The following MIA3 variants were observed in gnomAD, a reference collection of about 807,000 sequenced individuals.
MIA3 encodes MIA SH3 domain ER export factor 3.
Under a neutral mutation model 192.4 loss-of-function variants are expected in MIA3, and 90 were observed. That is an observed-to-expected ratio of 0.47 (90% CI 0.39 to 0.56). The LOEUF (loss-of-function observed/expected upper bound fraction) is 0.56. Among genes scored for constraint, MIA3 ranks in the 20% least tolerant of loss-of-function variants. MIA3 has a pLI of 0.00. For missense variants in MIA3, 2,123 were observed against 2,269.4 expected (o/e 0.94, Z 1.31); for synonymous variants, 740 against 792.8 (o/e 0.93, Z 1.12).
intron 6 of MIA3, among the ~76,000 whole-genome samples, chr1:222,643,251 A>T (rs1662942740): frequency 6.6e-6 from 1 of 152,204 alleles, no homozygotes; most frequent in Middle Eastern, 3.2e-3. Context: ...ATCATTTTCC[A>T]TATTGTTATC....
chr1:222,625,900 C>A (rs1662094238), intron 3 of MIA3, among the ~76,000 whole-genome samples: 1 of 152,114 alleles, frequency 6.6e-6, no homozygotes, highest in South Asian at 2.1e-4. Flanking sequence ...CCACACCCAG[C>A]CAATTTTTTT....
chr1:222,658,190 G>T (rs1663833067), intron 18 of MIA3, among the ~76,000 whole-genome samples: 1 of 152,180 alleles, frequency 6.6e-6, no homozygotes, highest in African/African-American at 2.4e-5. Context: ...ATTGAAATAG[G>T]TAGGGGAGCT....
At position 222,630,056 on chromosome 1, in the gene MIA3, C is replaced by A. The variant is rs146917820; in HGVS notation, c.2836C>A (p.His946Asn). The change falls in exon 4 of 28, where the codon CAT becomes AAT. Residue 946 changes from histidine to asparagine, a missense_variant. His to Asn is a moderately conservative substitution (Grantham distance 68). Coordinates refer to ENST00000344922, the MANE Select transcript of MIA3 (RefSeq NM_198551.4). ...GCGGTTCCAGAAGTACTTTAATGTC[C>A]ATGAGCTGGAAGCCTTGCTACAAGA... The part of the protein sequence containing the change: ...LQRFQKYFNV[H>N]ELEALLQEMS... 9.9e-6 allele frequency: 16 copies of A among 1,614,134 alleles called. No individual in the cohort carries two copies. The East Asian group carries it at 3.6e-4, about 36-fold the overall frequency.
chr1:222,648,864 C>CT lies in MIA3; in HGVS notation c.3631+20dup. On this transcript the variant is annotated intron_variant, in intron 8 of 27. Coordinates refer to ENST00000344922, the MANE Select transcript of MIA3 (RefSeq NM_198551.4). ...GAGTATATCAAGGTAAATCTTTAGG[C>CT]TTTTTTGTTATTTGTACTAGTCCCT... 1.4e-6 allele frequency: 2 copies of CT among 1,437,424 alleles called. No individual in the cohort carries two copies. Among genetic ancestry groups the CT allele is most frequent in the Non-Finnish European group, 1.9e-6 (2 of 1,029,704 alleles). The allele number at this position is 1,437,424 out of a possible 1,614,324, so 89.0% of individuals were successfully genotyped here.
intron 6 of MIA3, among the ~76,000 whole-genome samples, chr1:222,643,723 G>A (rs2124882900): frequency 6.6e-6 from 1 of 152,024 alleles, no homozygotes; most frequent in East Asian, 1.9e-4. Context: ...TTGAGCCCCG[G>A]AGTTCGAGTC....
intron 2 of MIA3, 25 bp downstream of exon 2, chr1:222,621,317 A>T (rs774745923): frequency 6.3e-7 from 1 of 1,590,726 alleles, no homozygotes; most frequent in South Asian, 1.2e-5. Context: ...GACATACTTT[A>T]TTTGCTTAAT....
intron 3 of MIA3, among the ~76,000 whole-genome samples, chr1:222,626,287 C>T (rs1662115178): frequency 4.6e-5 from 7 of 152,114 alleles, no homozygotes. Flanking sequence ...TTTGGCTTCA[C>T]TCCTGATGAA....
intron 24 of MIA3, chr1:222,660,822 G>C: frequency 6.6e-6 from 1 of 152,312 alleles, no homozygotes; most frequent in Non-Finnish European, 1.5e-5. Flanking sequence ...TAAACTATTG[G>C]AAAATATACA....
Position 222,665,525 on chromosome 1 carries a change from G to GA in MIA3, c.5631dup (p.Asp1878ArgfsTer8). ...GAATACCCACCACCACCTGCTGTAA[G>GA]AGACTTACTGCCGTCAGGCTCTAGA... On this transcript the variant is annotated frameshift_variant, in exon 28 of 28. Transcript: ENST00000344922. LOFTEE classifies it low-confidence loss of function (END_TRUNC). The GA allele has an allele frequency of 1.2e-6, 2 of 1,614,090 alleles. No individual in the cohort carries two copies. Among genetic ancestry groups the GA allele is most frequent in the Non-Finnish European group, 1.7e-6 (2 of 1,180,004 alleles).
At position 222,644,398 on chromosome 1, in the gene MIA3, G is replaced by A. The variant is rs911966012; in HGVS notation, c.3478-1156G>A. 5.9e-6 allele frequency: 9 copies of A among 1,538,424 alleles called. 1 individual carries two copies. The African/African-American group carries it at 8.2e-5, about 14-fold the overall frequency. The stretch of plus-strand genomic sequence containing the variant: ...CGCCCCCTGAATTGGGGCCTTTCCG[G>A]AGGAGGAAGCTCTGAAAAACAGGGG... On this transcript the variant is annotated intron_variant, in intron 6 of 27. Transcript: ENST00000344922.
intron 6 of MIA3, among the ~76,000 whole-genome samples, chr1:222,638,240 G>T (rs939791286): frequency 6.6e-6 from 1 of 152,106 alleles, no homozygotes; most frequent in African/African-American, 2.4e-5. Flanking sequence ...AATATAAAAT[G>T]ATTCAAGTAG....
chr1:222,658,342 T>C (rs1192049108), intron 18 of MIA3, among the ~76,000 whole-genome samples: 1 of 152,212 alleles, frequency 6.6e-6, no homozygotes, highest in Admixed American at 6.5e-5. Context: ...TAGTGGTCTT[T>C]CCATGGTTAG....
chr1:222,630,541 T>C, intron 4 of MIA3, 152 bp downstream of exon 4: 1 of 711,318 alleles, frequency 1.4e-6, no homozygotes, highest in Non-Finnish European at 2.2e-6. Context: ...TCCTGCCATC[T>C]TTCTTTTAGG....
Position 222,621,307 on chromosome 1 carries a change from G to A in MIA3, c.267+15G>A, listed in dbSNP as rs941791326. ...GGGCTGGAAGTGTAAGTAAAATATCGACATACTTTATTTGCTTAATTTTTA... is the reference window on the plus strand; with the variant it reads ...GGGCTGGAAGTGTAAGTAAAATATCAACATACTTTATTTGCTTAATTTTTA... On this transcript the variant is annotated intron_variant, in intron 2 of 27. Coordinates refer to ENST00000344922, the MANE Select transcript of MIA3 (RefSeq NM_198551.4). The A allele has an allele frequency of 1.3e-6, 2 of 1,598,088 alleles. No individual in the cohort carries two copies. Among genetic ancestry groups the A allele is most frequent in the South Asian group, 1.1e-5 (1 of 88,030 alleles).
intron 18 of MIA3, among the ~76,000 whole-genome samples, chr1:222,657,137 CA>C (rs1355730599): frequency 1.1e-4 from 17 of 152,186 alleles, no homozygotes; most frequent in Admixed American, 5.2e-4. Flanking sequence ...TATCATCCTA[CA>C]TAAAAGATAT....
In MIA3 at chr1:222,650,855, T is replaced by C. The variant is rs773813932; in HGVS notation, c.3861T>C (p.Arg1287=). ...TGGATGACACAGCTAAAAATCTTCG[T>C]GTTATGCTAGAATCTGAGAGAGAAC... ...EILDDTAKNL[R]VMLESEREQN... The change falls in exon 11 of 28, where the codon CGT becomes CGC. Residue 1287 remains arginine (R), a synonymous_variant. Transcript: ENST00000344922. 3 of 1,610,888 alleles carry C rather than the reference T, an allele frequency of 1.9e-6. No homozygotes were observed. Among genetic ancestry groups the C allele is most frequent in the Non-Finnish European group, 2.5e-6 (3 of 1,178,838 alleles).
chr1:222,659,938 T>C lies in MIA3; in HGVS notation c.4907T>C (p.Leu1636Pro), dbSNP rs2124926675. ...LLELTQKMAM[L>P]QEEPVIVKPM... ...GAATTAACACAAAAGATGGCAATGC[T>C]GCAAGAAGAACCTGTGATTGTAAAA... Residue 1636 changes from leucine to proline, a missense_variant, in exon 23 of 28, where the codon CTG (leucine) becomes CCG (proline). Physicochemically the swap from Leu to Pro is moderately conservative, Grantham distance 98. Around this residue, in one of 3 missense-constraint regions of MIA3, gnomAD observed 762 missense variants for 856.4 expected, o/e 0.89. Coordinates refer to ENST00000344922, the MANE Select transcript of MIA3 (RefSeq NM_198551.4). The C allele has an allele frequency of 6.2e-7, 1 of 1,613,842 alleles. No individual in the cohort carries two copies. The highest frequency in any genetic ancestry group is 2.2e-5 in the East Asian group (1 of 44,862).
At chr1:222,654,859 GATA>G in intron 18 of MIA3, 66 bp downstream of exon 18, 2 of 1,304,130 alleles carry the variant, frequency 1.5e-6, no homozygotes, top group Non-Finnish European at 2.1e-6. Flanking sequence ...TACTAATATA[GATA>G]ATGTTATCGT....
chr1:222,654,150 A>G, intron 15 of MIA3, 93 bp from the exon 16 acceptor site: 7 of 1,194,632 alleles, frequency 5.9e-6, no homozygotes, highest in Non-Finnish European at 8.5e-6. Flanking sequence ...ATGTTTGAAC[A>G]TGACAATTGT....
Sources: gnomAD v4.1 joint callset for allele counts (sites outside exome capture counted in the v4.1 genomes callset) on GRCh38, gnomAD v4.1.1 for gene constraint, gnomAD v4.1.1 regional missense constraint, MANE v1.5 for transcripts, NCBI Gene and HGNC (gene_info 2026-07-23, HGNC 2026-07-21) for gene names.